Variants in NRG1 observed in about 807,000 individuals in gnomAD.
The protein encoded by NRG1 is pro-neuregulin-1, membrane-bound isoform.
A neutral mutation model predicts 63.8 loss-of-function variants in NRG1; 18 were observed. That is an observed-to-expected ratio of 0.28 (90% confidence interval 0.19 to 0.42). The LOEUF is 0.42. NRG1 is among the 10% of genes least tolerant of loss of function. The pLI is 1.00. For missense variants in NRG1, 762 were observed against 814.7 expected (o/e 0.94, Z 0.79); for synonymous variants, 302 against 301.3 (o/e 1.00, Z -0.02).
chr8:32,067,097 A>C (rs1824962281), intron 1 of NRG1, among the ~76,000 whole-genome samples: 1 of 152,142 alleles, frequency 6.6e-6, no homozygotes, highest in Non-Finnish European at 1.5e-5. Context: ...GGCTGAGACG[A>C]TGGGGTTTTC....
At chr8:32,538,464 A>T (rs1185985015) in intron 1 of NRG1, among the ~76,000 whole-genome samples, 1 of 152,196 alleles carries the variant, frequency 6.6e-6, no homozygotes, top group Non-Finnish European at 1.5e-5. Flanking sequence ...GTTTTTAAAT[A>T]TGGGGAAATA....
chr8:31,651,843 G>A (rs1235507907), intron 1 of NRG1, among the ~76,000 whole-genome samples: 6 of 152,186 alleles, frequency 3.9e-5, no homozygotes, highest in South Asian at 4.1e-4. Context: ...TACTGCAGAA[G>A]AGCCAATGCT....
At chr8:31,932,872 A>T (rs139967475) in intron 1 of NRG1, among the ~76,000 whole-genome samples, 1 of 152,206 alleles carries the variant, frequency 6.6e-6, no homozygotes, top group African/African-American at 2.4e-5. Context: ...ATAATTCCGA[A>T]TCACTTGTTT....
chr8:32,250,912 G>T (rs893510627), intron 1 of NRG1, among the ~76,000 whole-genome samples: 29 of 152,004 alleles, frequency 1.9e-4, no homozygotes, highest in Non-Finnish European at 2.9e-4. Context: ...TAAATTTGTA[G>T]ACATGTATAT....
At chr8:31,928,647 TATAC>T (rs1231395082) in intron 1 of NRG1, among the ~76,000 whole-genome samples, 19 of 146,338 alleles carry the variant, frequency 1.3e-4, no homozygotes, top group South Asian at 6.5e-4. Flanking sequence ...TATATATATA[TATAC>T]ACACACACAC....
At chr8:32,536,138 C>G (rs1831942627) in intron 1 of NRG1, among the ~76,000 whole-genome samples, 1 of 152,190 alleles carries the variant, frequency 6.6e-6, no homozygotes, top group South Asian at 2.1e-4. Flanking sequence ...GAAGTCTGAG[C>G]ACAGCATAGC....
chr8:32,526,215 T>C (rs1262496363), intron 1 of NRG1, among the ~76,000 whole-genome samples: 2 of 152,306 alleles, frequency 1.3e-5, no homozygotes, highest in East Asian at 3.9e-4. Context: ...GAAAAGCATC[T>C]GCTTGTATGC....
intron 1 of NRG1, among the ~76,000 whole-genome samples, chr8:31,853,236 C>G (rs990121238): frequency 6.6e-6 from 1 of 152,084 alleles, no homozygotes; most frequent in African/African-American, 2.4e-5. Flanking sequence ...ATTCTTCCTA[C>G]CCATGAGCAT....
At chr8:32,237,778 T>C (rs1385276078) in intron 1 of NRG1, among the ~76,000 whole-genome samples, 1 of 152,146 alleles carries the variant, frequency 6.6e-6, no homozygotes, top group East Asian at 1.9e-4. Flanking sequence ...TTTCTGGTTA[T>C]TGTTATCATT....
intron 1 of NRG1, among the ~76,000 whole-genome samples, chr8:31,663,452 G>C (rs1181897494): frequency 6.6e-6 from 1 of 152,096 alleles, no homozygotes; most frequent in Admixed American, 6.5e-5. Context: ...CCAAGGAGGG[G>C]CCATTCTTTT....
At chr8:32,037,674 A>G (rs1335853653) in intron 1 of NRG1, among the ~76,000 whole-genome samples, 2 of 152,182 alleles carry the variant, frequency 1.3e-5, no homozygotes, top group African/African-American at 4.8e-5. Context: ...GGAATGGGTC[A>G]AGGTTCTGCT....
At chr8:32,525,395 T>TGC (rs1830733159) in intron 1 of NRG1, among the ~76,000 whole-genome samples, 1 of 120,818 alleles carries the variant, frequency 8.3e-6, no homozygotes, top group Non-Finnish European at 1.9e-5. Flanking sequence ...GGTAGGGGTG[T>TGC]GTGTGTGTGT....
intron 5 of NRG1, among the ~76,000 whole-genome samples, chr8:32,683,796 T>C (rs1482882180): frequency 6.6e-6 from 1 of 151,978 alleles, no homozygotes; most frequent in Non-Finnish European, 1.5e-5. Flanking sequence ...GATATTGTCA[T>C]TGTCTCCTGC....
At chr8:32,466,579 T>C (rs1823091238) in intron 1 of NRG1, among the ~76,000 whole-genome samples, 1 of 152,204 alleles carries the variant, frequency 6.6e-6, no homozygotes, top group Non-Finnish European at 1.5e-5. Flanking sequence ...AACTTTACAC[T>C]GGTGTAATAA....
chr8:31,726,879 G>A (rs1230989032), intron 1 of NRG1, among the ~76,000 whole-genome samples: 1 of 152,150 alleles, frequency 6.6e-6, no homozygotes, highest in African/African-American at 2.4e-5. Flanking sequence ...TTCCAACAGA[G>A]GGTAGTGTCC....
chr8:31,850,423 G>A (rs1025522885), intron 1 of NRG1, among the ~76,000 whole-genome samples: 9 of 152,112 alleles, frequency 5.9e-5, no homozygotes, highest in African/African-American at 1.9e-4. Context: ...TCCGCACATG[G>A]TCAGGTTATG....
intron 1 of NRG1, among the ~76,000 whole-genome samples, chr8:31,793,247 C>T (rs1820882782): frequency 6.6e-6 from 1 of 152,134 alleles, no homozygotes; most frequent in African/African-American, 2.4e-5. Flanking sequence ...AGTAGATTCA[C>T]TAGCAGAGTC....
At chr8:32,771,276 ATTT>A (rs553989637), downstream of NRG1, among the ~76,000 whole-genome samples, 229 of 92,742 alleles carry the variant, frequency 2.5e-3, no homozygotes, top group African/African-American at 0.01. Context: ...ATGCCCAGCG[ATTT>A]TTTTTTTTTT....
Position 32,502,160 on chromosome 8 carries a change from G to A in NRG1, c.38-93668G>A, listed in dbSNP as rs557538377. 5.9e-4 allele frequency among the ~76,000 whole-genome samples: 89 copies of A among 152,080 alleles called. No individual in the cohort carries two copies. In the South Asian group the frequency reaches 7.5e-3, roughly 13 times the overall value. ...GCATAGCAGCTTCTGCTTCTTGGGA[G>A]GCATCGGGAAGCCTCCAATCATGGC... On this transcript the variant is annotated intron_variant, in intron 1 of 10. Transcript: ENST00000519301.
Sources: allele counts gnomAD v4.1 joint callset (sites outside exome capture counted in the v4.1 genomes callset), GRCh38; gene constraint gnomAD v4.1.1; transcripts MANE v1.5; gene names NCBI Gene and HGNC (gene_info 2026-07-23, HGNC 2026-07-21).